The following CACUL1 variants were observed in gnomAD, a reference collection of about 807,000 sequenced individuals.
CACUL1 encodes CDK2-associated and cullin domain-containing protein 1.
CACUL1 carries 13 observed loss-of-function variants against 45.2 expected under a neutral mutation model. The observed-to-expected ratio is 0.29, with a 90% CI of 0.19 to 0.46. The LOEUF is 0.46. Ranked by LOEUF, CACUL1 falls within the 20% of genes least tolerant of loss-of-function variation. The pLI is 1.00. For missense variants in CACUL1, 421 were observed against 471.4 expected (o/e 0.89, Z 0.99); for synonymous variants, 197 against 174.2 (o/e 1.13, Z -1.03).
Position 118,724,710 on chromosome 10 carries a change from A to G in CACUL1, c.597+4585T>C, listed in dbSNP as rs553598522. Among the ~76,000 whole-genome samples, 87 of 152,380 alleles carry G rather than the reference A, an allele frequency of 5.7e-4. 2 individuals carry two copies. In the South Asian group the frequency reaches 0.013, roughly 24 times the overall value. ...ATTCCACTAGTGCAGGCATGAGCCA[A>G]TGATGACGTGGAAGAGGAAGACAAC... On this transcript the variant is annotated intron_variant, in intron 3 of 8. Transcript: ENST00000369151.
At position 118,695,221 on chromosome 10, in the gene CACUL1, A is replaced by G; in HGVS notation, c.806T>C (p.Leu269Ser). ...KHIYSLMPLLLEAQSTPFQVT... is the reference protein window; with the variant it reads ...KHIYSLMPLLSEAQSTPFQVT... ...CTGAAATGGTGTTGACTGGGCTTCT[A>G]AAAGTAAAGCTGAAATAAGAAAACA... Residue 269 changes from leucine (L) to serine (S), a missense_variant, in exon 6 of 9, where the codon TTA (leucine) becomes TCA (serine). This residue lies in a region of CACUL1 where 208 missense variants were observed against 298.4 expected (regional missense o/e 0.70). Coordinates refer to ENST00000369151, the MANE Select transcript of CACUL1 (RefSeq NM_153810.5). 6.3e-7 allele frequency: 1 copy of G among 1,592,998 alleles called. No individual in the cohort carries two copies. Among genetic ancestry groups the G allele is most frequent in the Non-Finnish European group, 8.6e-7 (1 of 1,160,964 alleles).
In CACUL1 at chr10:118,680,923, G is replaced by C. The variant is rs1480346331; in HGVS notation, c.*5205C>G. The C allele has an allele frequency of 6.6e-6, 1 of 152,292 alleles. No individual in the cohort carries two copies. The highest frequency in any genetic ancestry group is 1.5e-5 in the Non-Finnish European group (1 of 68,030). The allele number at this position is 152,292 out of a possible 1,614,324, so 9.4% of individuals were successfully genotyped here. A position where few individuals can be genotyped will look rare whatever the true frequency, so the allele number is the denominator to read the frequency against. ...TATTCTATATTATAACAAAGTTCCA[G>C]TGAACCAGGTATTAAGGCCAAGGAC... On this transcript the variant is annotated 3_prime_UTR_variant, in exon 9 of 9. Coordinates refer to ENST00000369151, the MANE Select transcript of CACUL1 (RefSeq NM_153810.5).
intron 1 of CACUL1, among the ~76,000 whole-genome samples, chr10:118,742,656 C>A (rs375021222): frequency 6.6e-6 from 1 of 152,080 alleles, no homozygotes. Context: ...TACACACCCC[C>A]CTCCCAACAT....
chr10:118,730,348 T>G lies in CACUL1; in HGVS notation c.430A>C (p.Ile144Leu). The G allele has an allele frequency of 1.9e-6, 3 of 1,613,928 alleles. No individual in the cohort carries two copies. The highest frequency in any genetic ancestry group is 2.5e-6 in the Non-Finnish European group (3 of 1,179,766). ...GGACTCTGAGTTAAAAGTTGATCTA[T>G]GGCACCATCCAATTTTGGCCAGTAT... ...STYWPKLDGAIDQLLTQSPGD... is the reference protein window; with the variant it reads ...STYWPKLDGALDQLLTQSPGD... The change falls in exon 2 of 9, where the codon ATA becomes CTA. Residue 144 changes from isoleucine (I) to leucine (L), a missense_variant. Physicochemically the swap from Ile to Leu is conservative, Grantham distance 5 (BLOSUM62 2). Transcript: ENST00000369151.
chr10:118,702,400 A>G (rs1845391278), intron 4 of CACUL1, among the ~76,000 whole-genome samples: 1 of 152,178 alleles, frequency 6.6e-6, no homozygotes, highest in South Asian at 2.1e-4. Flanking sequence ...ACCAAAAATC[A>G]AGTCCTTAGT....
chr10:118,715,173 TTAAA>T (rs1159164336), intron 3 of CACUL1, among the ~76,000 whole-genome samples: 2 of 152,204 alleles, frequency 1.3e-5, no homozygotes, highest in Non-Finnish European at 2.9e-5. Context: ...GTTGTCCAGT[TTAAA>T]TAGTGAAATC....
chr10:118,727,155 G>A (rs539947136), intron 3 of CACUL1, among the ~76,000 whole-genome samples: 7 of 152,168 alleles, frequency 4.6e-5, no homozygotes, highest in African/African-American at 9.6e-5. Context: ...TTGGGAGGCC[G>A]AGGCTGGCAG....
intron 1 of CACUL1, among the ~76,000 whole-genome samples, chr10:118,742,558 G>A (rs888429818): frequency 6.6e-5 from 10 of 152,162 alleles, no homozygotes; most frequent in African/African-American, 2.2e-4. Flanking sequence ...GCCGGGAACA[G>A]AGGCTCACTC....
chr10:118,748,436 G>T (rs894507813), intron 1 of CACUL1, among the ~76,000 whole-genome samples: 1 of 152,090 alleles, frequency 6.6e-6, no homozygotes, highest in Non-Finnish European at 1.5e-5. Context: ...TGGGACTTGG[G>T]GGAAGGGGAA....
At chr10:118,738,490 T>G (rs1205600384) in intron 1 of CACUL1, among the ~76,000 whole-genome samples, 1 of 103,102 alleles carries the variant, frequency 9.7e-6, no homozygotes. Flanking sequence ...CCCCCACCTA[T>G]CCATTCTGCC....
At position 118,754,519 on chromosome 10, in the gene CACUL1, G is replaced by A; in HGVS notation, c.244C>T (p.Pro82Ser). ...EGLPMGPQPP[P>S]EANGVIMMLK... is the part of the protein sequence containing the mutation. ...ATCATGATCACCCCATTAGCCTCCG[G>A]CGGTGGCTGCGGCCCCATCGGGAGC... is the stretch of plus-strand genomic sequence containing the variant. The change falls in exon 1 of 9, where the codon CCG becomes TCG. Residue 82 changes from proline (P) to serine (S), a missense_variant. This residue lies in a region of CACUL1 where 213 missense variants were observed against 173.1 expected (regional missense o/e 1.23). Transcript: ENST00000369151. The A allele has an allele frequency of 6.2e-7, 1 of 1,613,174 alleles. No homozygotes were observed. Among genetic ancestry groups the A allele is most frequent in the Non-Finnish European group, 8.5e-7 (1 of 1,179,616 alleles).
chr10:118,723,249 A>G (rs1056678810), intron 3 of CACUL1, among the ~76,000 whole-genome samples: 2 of 151,986 alleles, frequency 1.3e-5, no homozygotes, highest in African/African-American at 4.8e-5. Context: ...TGTCTTGTTA[A>G]CTATGTTTTT....
At position 118,681,052 on chromosome 10, in the gene CACUL1, CAGA is replaced by C. The variant is rs1311914413; in HGVS notation, c.*5073_*5075del. On this transcript the variant is annotated 3_prime_UTR_variant, in exon 9 of 9. Coordinates refer to ENST00000369151, the MANE Select transcript of CACUL1 (RefSeq NM_153810.5). ...TAGAGTGAAAGTATATGCCCTAATA[CAGA>C]AGGAGTGATTCAGAACCCACCAAAA... 1.3e-5 allele frequency: 2 copies of C among 152,172 alleles called. No homozygotes were observed. The highest frequency in any genetic ancestry group is 6.5e-5 in the Admixed American group (1 of 15,288). 9.4% of individuals were successfully genotyped at this position (152,172 alleles called of 1,614,324 possible).
At chr10:118,718,330 C>T (rs953047806) in intron 3 of CACUL1, among the ~76,000 whole-genome samples, 2 of 151,950 alleles carry the variant, frequency 1.3e-5, no homozygotes, top group African/African-American at 2.4e-5. Flanking sequence ...GTGTGGGGGG[C>T]AGGACAGGGA....
chr10:118,678,054 A>C lies in CACUL1; in HGVS notation c.*8074T>G, dbSNP rs1187086960. ...CAAGGAAATGGTATCTATGCTTTTA[A>C]TGTGCATTACCTGACGACTAATGAG... On this transcript the variant is annotated 3_prime_UTR_variant, in exon 9 of 9. Transcript: ENST00000369151. 9 of 152,196 alleles carry C rather than the reference A, an allele frequency of 5.9e-5. No individual in the cohort carries two copies. Among genetic ancestry groups the C allele is most frequent in the African/African-American group, 1.9e-4 (8 of 41,450 alleles). 9.4% of individuals were successfully genotyped at this position (152,196 alleles called of 1,614,324 possible).
In CACUL1 at chr10:118,682,237, T is replaced by A. The variant is rs1845159911; in HGVS notation, c.*3891A>T. On this transcript the variant is annotated 3_prime_UTR_variant, in exon 9 of 9. Transcript: ENST00000369151. The stretch of plus-strand genomic sequence containing the variant: ...GGCTAGATGACTAATGTAGGTTGTT[T>A]TGCTTTTTAGTTGCAAAGCTTTTCA... The A allele has an allele frequency of 1.3e-5, 2 of 152,260 alleles. No individual in the cohort carries two copies. The highest frequency in any genetic ancestry group is 1.3e-4 in the Admixed American group (2 of 15,284). The allele number at this position is 152,260 out of a possible 1,614,324, so 9.4% of individuals were successfully genotyped here.
chr10:118,710,203 G>T (rs978278403), intron 3 of CACUL1, among the ~76,000 whole-genome samples: 2 of 151,924 alleles, frequency 1.3e-5, no homozygotes, highest in Admixed American at 1.3e-4. Flanking sequence ...TGGGATTACA[G>T]GTGTGAGCCA....
intron 1 of CACUL1, among the ~76,000 whole-genome samples, chr10:118,740,279 T>C (rs1189898893): frequency 6.6e-6 from 1 of 152,226 alleles, no homozygotes; most frequent in Non-Finnish European, 1.5e-5. Context: ...CGTGAATATT[T>C]ACATAGCTAT....
In CACUL1 at chr10:118,682,004, C is replaced by CA. The variant is rs1845158151; in HGVS notation, c.*4123dup. ...CTATGACCTCCATTTTAACTTCTGA[C>CA]AAAGTTAACTTCATTTATACAATCG... On this transcript the variant is annotated 3_prime_UTR_variant, in exon 9 of 9. Coordinates refer to ENST00000369151, the MANE Select transcript of CACUL1 (RefSeq NM_153810.5). The CA allele has an allele frequency of 6.6e-6, 1 of 152,198 alleles. No individual in the cohort carries two copies. Among genetic ancestry groups the CA allele is most frequent in the Non-Finnish European group, 1.5e-5 (1 of 68,028 alleles). 9.4% of individuals were successfully genotyped at this position (152,198 alleles called of 1,614,324 possible).
Sources: allele counts gnomAD v4.1 joint callset (sites outside exome capture counted in the v4.1 genomes callset), GRCh38; gene constraint gnomAD v4.1.1; regional missense constraint gnomAD v4.1.1; transcripts MANE v1.5; gene names NCBI Gene and HGNC (gene_info 2026-07-23, HGNC 2026-07-21).